CAMKK1: variants seen among roughly 807,000 people sequenced by gnomAD.
The protein encoded by CAMKK1 is calcium/calmodulin dependent protein kinase kinase 1.
Under a neutral mutation model 63.5 loss-of-function variants are expected in CAMKK1, and 20 were observed. The ratio of observed to expected loss-of-function variants is 0.32; its 90% CI spans 0.22 to 0.46. CAMKK1 has a LOEUF of 0.46. Ranked by LOEUF, CAMKK1 falls within the 20% of genes least tolerant of loss-of-function variation. The pLI, the probability that CAMKK1 is intolerant of heterozygous loss-of-function variation, is 1.00. For synonymous variants in CAMKK1, 253 were observed against 269.0 expected (o/e 0.94, Z 0.58); for missense variants, 588 against 658.1 (o/e 0.89, Z 1.17).
chr17:3,872,898 G>A (rs903834336), intron 11 of CAMKK1, among the ~76,000 whole-genome samples: 3 of 152,162 alleles, frequency 2.0e-5, no homozygotes, highest in Non-Finnish European at 4.4e-5. Flanking sequence ...CACCATTACC[G>A]CCACCTGTGG....
At chr17:3,868,363 C>T (rs918985263) in intron 14 of CAMKK1, among the ~76,000 whole-genome samples, 2 of 145,996 alleles carry the variant, frequency 1.4e-5, no homozygotes, top group Non-Finnish European at 3.0e-5. Context: ...CTGATTGATA[C>T]GCGGGCGCTG....
In CAMKK1 at chr17:3,885,750, A is replaced by G; in HGVS notation, c.-43-20T>C. The G allele has an allele frequency of 6.3e-7, 1 of 1,591,498 alleles. No homozygotes were observed. The highest frequency in any genetic ancestry group is 8.5e-7 in the Non-Finnish European group (1 of 1,173,348). On this transcript the variant is annotated intron_variant, in intron 1 of 15. Transcript: ENST00000348335. ...GGGAACCTGAGAAAAGAAGGCAGAG[A>G]AGGCTTCACTCCTGGGTGTCAGGCT...
In CAMKK1 at chr17:3,880,518, T is replaced by C. The variant is rs2055363868; in HGVS notation, c.708-84A>G. ...GGTGGTCGGGACGTCCCGGGAAACC[T>C]GTGCCCACATGAGTCCCTACAACTC... On this transcript the variant is annotated intron_variant, in intron 8 of 15. Transcript: ENST00000348335. The C allele has an allele frequency of 7.2e-6, 7 of 969,014 alleles. No individual in the cohort carries two copies. The South Asian group carries it at 9.6e-5, about 13-fold the overall frequency. The allele number at this position is 969,014 out of a possible 1,614,324, so 60.0% of individuals were successfully genotyped here. A position where few individuals can be genotyped will look rare whatever the true frequency, so the allele number is the denominator to read the frequency against.
rs1486033468 is a variant in CAMKK1, at chr17:3,890,367, G to A, written c.-44+2572C>T. On this transcript the variant is annotated intron_variant, in intron 1 of 15. Coordinates refer to ENST00000348335, the MANE Select transcript of CAMKK1 (RefSeq NM_032294.3). This position sits in a 1 kb window ranked among gnomAD's most constrained non-coding sequence, Gnocchi z 6.5. Reference sequence around the variant, plus strand: ...TCAGCACAGCTACCCCCAGCGCATCGTCCTGGCCCACCCACGGAGGCTGAT... The same window carrying A: ...TCAGCACAGCTACCCCCAGCGCATCATCCTGGCCCACCCACGGAGGCTGAT... 2.0e-5 allele frequency among the ~76,000 whole-genome samples: 3 copies of A among 152,098 alleles called. No homozygotes were observed. The highest frequency in any genetic ancestry group is 1.9e-4 in the East Asian group (1 of 5,180).
chr17:3,882,167 C>A lies in CAMKK1; in HGVS notation c.685+361G>T, dbSNP rs1265243693. 1.2e-6 allele frequency: 1 copy of A among 839,012 alleles called. No homozygotes were observed. Among genetic ancestry groups the A allele is most frequent in the African/African-American group, 1.7e-5 (1 of 58,764 alleles). The allele number at this position is 839,012 out of a possible 1,614,324, so 52.0% of individuals were successfully genotyped here. On this transcript the variant is annotated intron_variant, in intron 7 of 15. Coordinates refer to ENST00000348335, the MANE Select transcript of CAMKK1 (RefSeq NM_032294.3). The surrounding 1 kb of genome is among the most constrained non-coding windows in gnomAD (Gnocchi z 4.3). ...CTTCACAGGAACCCTATGAGGTAGA[C>A]ACCACTAGTATCCCTGTTTTATAGG...
At chr17:3,866,392 T>C (rs979380523) in intron 14 of CAMKK1, among the ~76,000 whole-genome samples, 5 of 152,208 alleles carry the variant, frequency 3.3e-5, no homozygotes, top group African/African-American at 4.8e-5. Context: ...GCCGAGAAGA[T>C]GCCAAGATGC....
rs1567606670 is a variant in CAMKK1, at chr17:3,862,024, A to G, written c.*187T>C. ...GGGAGCCCTGCCCCCAAGACCCCAA[A>G]TGACATACATTCCAGTCTGTCCCTG... On this transcript the variant is annotated 3_prime_UTR_variant, in exon 16 of 16. Coordinates refer to ENST00000348335, the MANE Select transcript of CAMKK1 (RefSeq NM_032294.3). This position sits in a 1 kb window ranked among gnomAD's most constrained non-coding sequence, Gnocchi z 4.1. 6.7e-6 allele frequency: 4 copies of G among 600,738 alleles called. No homozygotes were observed. Among genetic ancestry groups the G allele is most frequent in the East Asian group, 2.8e-5 (1 of 36,030 alleles). 37.2% of individuals were successfully genotyped at this position (600,738 alleles called of 1,614,324 possible).
In CAMKK1 at chr17:3,876,345, C is replaced by T. The variant is rs746903648; in HGVS notation, c.874G>A (p.Ala292Thr). 6.2e-6 allele frequency: 10 copies of T among 1,614,086 alleles called. No homozygotes were observed. The highest frequency in any genetic ancestry group is 4.0e-5 in the African/African-American group (3 of 74,944). The change falls in exon 10 of 16, where the codon GCC becomes ACC. Residue 292 changes from alanine to threonine, a missense_variant. Coordinates refer to ENST00000348335, the MANE Select transcript of CAMKK1 (RefSeq NM_032294.3). ...AACTGGTTGCTGACGCCAAAGTCGG[C>T]GATCTTCACGTGCCCATCATCCCCC... ...LLGDDGHVKI[A>T]DFGVSNQFEG...
At chr17:3,863,222 A>G (rs1477581526) in intron 15 of CAMKK1, among the ~76,000 whole-genome samples, 1 of 152,042 alleles carries the variant, frequency 6.6e-6, no homozygotes, top group Admixed American at 6.6e-5. Flanking sequence ...ATGGCCGGGC[A>G]CAGTGGCTCA....
At position 3,883,833 on chromosome 17, in the gene CAMKK1, G is replaced by A. The variant is rs779725807; in HGVS notation, c.462+51C>T. The A allele has an allele frequency of 5.0e-6, 8 of 1,592,254 alleles. No homozygotes were observed. The highest frequency in any genetic ancestry group is 6.0e-6 in the Non-Finnish European group (7 of 1,161,082). ...AGCACAACTCCTGCCCCACCCCTCAGGCTTCCAGGGCCTGGCTTGGGCAAC... is the reference window on the plus strand; with the variant it reads ...AGCACAACTCCTGCCCCACCCCTCAAGCTTCCAGGGCCTGGCTTGGGCAAC... On this transcript the variant is annotated intron_variant, in intron 4 of 15. Coordinates refer to ENST00000348335, the MANE Select transcript of CAMKK1 (RefSeq NM_032294.3). This position sits in a 1 kb window ranked among gnomAD's most constrained non-coding sequence, Gnocchi z 4.7.
At position 3,885,714 on chromosome 17, in the gene CAMKK1, G is replaced by A. The variant is rs188101980; in HGVS notation, c.-27C>T. The A allele has an allele frequency of 4.4e-3, 7,138 of 1,608,390 alleles. 25 individuals carry two copies. Among genetic ancestry groups the A allele is most frequent in the Middle Eastern group, 7.1e-3 (43 of 6,056 alleles). ...GCTTCAGTCAAGGGGGTTCTTCTGCGTAGCCTTGTTGGGAACCTGAGAAAA... is the reference window on the plus strand; with the variant it reads ...GCTTCAGTCAAGGGGGTTCTTCTGCATAGCCTTGTTGGGAACCTGAGAAAA... On this transcript the variant is annotated 5_prime_UTR_variant, in exon 2 of 16. It adds an upstream start codon to the 5' untranslated region. Coordinates refer to ENST00000348335, the MANE Select transcript of CAMKK1 (RefSeq NM_032294.3).
intron 8 of CAMKK1, among the ~76,000 whole-genome samples, chr17:3,881,124 T>C (rs1008489298): frequency 1.3e-5 from 2 of 152,202 alleles, no homozygotes; most frequent in Admixed American, 6.5e-5. Flanking sequence ...AAAAGCCGCA[T>C]AGGGCAGACA....
At chr17:3,870,909 T>C (rs1186815494) in intron 12 of CAMKK1, among the ~76,000 whole-genome samples, 2 of 151,640 alleles carry the variant, frequency 1.3e-5, no homozygotes, top group Non-Finnish European at 2.9e-5. Flanking sequence ...GAGGAGGAAA[T>C]GGACAGAAGC....
chr17:3,883,308 G>T lies in CAMKK1; in HGVS notation c.514+121C>A. 1.4e-6 allele frequency: 2 copies of T among 1,477,498 alleles called. No individual in the cohort carries two copies. Among genetic ancestry groups the T allele is most frequent in the Non-Finnish European group, 9.4e-7 (1 of 1,061,858 alleles). The allele number at this position is 1,477,498 out of a possible 1,614,324, so 91.5% of individuals were successfully genotyped here. ...ACCCACAGGGCACATTCTGTCCCCA[G>T]GCCTCTGCTCACGCTGTCTCCCTCT... is the stretch of plus-strand genomic sequence containing the variant. On this transcript the variant is annotated intron_variant, in intron 5 of 15. Transcript: ENST00000348335. This position sits in a 1 kb window ranked among gnomAD's most constrained non-coding sequence, Gnocchi z 4.7.
chr17:3,872,127 G>C (rs919893514), intron 12 of CAMKK1, among the ~76,000 whole-genome samples: 1 of 152,152 alleles, frequency 6.6e-6, no homozygotes, highest in Non-Finnish European at 1.5e-5. Context: ...TTGAGTCCCA[G>C]CCCCCTGACC....
chr17:3,875,355 C>T (rs1000361327), intron 10 of CAMKK1, among the ~76,000 whole-genome samples: 1 of 152,306 alleles, frequency 6.6e-6, no homozygotes, highest in East Asian at 1.9e-4. Context: ...CATCACAGCT[C>T]ACTACAGCCC....
At position 3,862,098 on chromosome 17, in the gene CAMKK1, TG is replaced by T; in HGVS notation, c.*112del. 2.6e-6 allele frequency: 2 copies of T among 766,272 alleles called. No individual in the cohort carries two copies. The highest frequency in any genetic ancestry group is 4.3e-6 in the Non-Finnish European group (2 of 464,272). The allele number at this position is 766,272 out of a possible 1,614,324, so 47.5% of individuals were successfully genotyped here. A position where few individuals can be genotyped will look rare whatever the true frequency, so the allele number is the denominator to read the frequency against. The stretch of plus-strand genomic sequence containing the variant: ...CAGCACGATGGGGGAGGGGCGGGAG[TG>T]GGGCTGCAGTCCCCAGCCCCCTGCC... On this transcript the variant is annotated 3_prime_UTR_variant, in exon 16 of 16. Coordinates refer to ENST00000348335, the MANE Select transcript of CAMKK1 (RefSeq NM_032294.3). This position sits in a 1 kb window ranked among gnomAD's most constrained non-coding sequence, Gnocchi z 4.1.
intron 10 of CAMKK1, among the ~76,000 whole-genome samples, chr17:3,875,910 C>A (rs189636493): frequency 4.6e-5 from 7 of 152,276 alleles, no homozygotes; most frequent in African/African-American, 1.7e-4. Context: ...TCTGCGGGGA[C>A]CCCCAACTTC....
In CAMKK1 at chr17:3,884,498, T is replaced by A. The variant is rs1433554845; in HGVS notation, c.361-71A>T. 2 of 1,469,122 alleles carry A rather than the reference T, an allele frequency of 1.4e-6. No homozygotes were observed. The highest frequency in any genetic ancestry group is 3.5e-5 in the Admixed American group (2 of 56,864). The allele number at this position is 1,469,122 out of a possible 1,614,324, so 91.0% of individuals were successfully genotyped here. The stretch of plus-strand genomic sequence containing the variant: ...GCACTGCTCCTACCTCAGAGCCCGT[T>A]CAGGGTCCAATTCTGGCCATAAGCT... On this transcript the variant is annotated intron_variant, in intron 2 of 15. Coordinates refer to ENST00000348335, the MANE Select transcript of CAMKK1 (RefSeq NM_032294.3). The surrounding 1 kb of genome is among the most constrained non-coding windows in gnomAD (Gnocchi z 4.5).
Sources: gnomAD v4.1 joint callset for allele counts (sites outside exome capture counted in the v4.1 genomes callset) on GRCh38, gnomAD v4.1.1 for gene constraint, Gnocchi (gnomAD v3.1) non-coding constraint, MANE v1.5 for transcripts, NCBI Gene and HGNC (gene_info 2026-07-23, HGNC 2026-07-21) for gene names.